INPP4B: variants seen among roughly 807,000 people sequenced by gnomAD.
The protein encoded by INPP4B is inositol polyphosphate 4-phosphatase type II.
INPP4B carries 55 observed loss-of-function variants against 122.5 expected under a neutral mutation model. The ratio of observed to expected loss-of-function variants is 0.45; its 90% CI spans 0.36 to 0.56. INPP4B has a LOEUF of 0.56. Among genes scored for constraint, INPP4B ranks in the 20% least tolerant of loss-of-function variants. The probability of loss-of-function intolerance (pLI) is 0.00; values close to 1 mark genes in which losing one functional copy is unlikely to be tolerated. For synonymous variants in INPP4B, 403 were observed against 388.7 expected, an observed-to-expected ratio of 1.04 and a Z score of -0.43; for missense variants, 1,000 against 1,097.7, an observed-to-expected ratio of 0.91 and a Z score of 1.26.
rs563111955 is a variant in INPP4B, at chr4:142,138,502, G to A, written c.1720+7338C>T. ...GTATACATATGTAACTAACCTCCAC[G>A]TTGTGCACATGTACCCTAAAACTTA... On this transcript the variant is annotated intron_variant, in intron 18 of 25. Coordinates refer to ENST00000262992, the MANE Select transcript of INPP4B (RefSeq NM_001101669.3). Among the ~76,000 whole-genome samples, 1,304 of 151,646 alleles carry A rather than the reference G, an allele frequency of 8.6e-3. 21 individuals carry two copies. Among genetic ancestry groups the A allele is most frequent in the African/African-American group, 0.029 (1,189 of 41,364 alleles).
At chr4:142,420,642 A>G (rs1259418573) in intron 5 of INPP4B, among the ~76,000 whole-genome samples, 2 of 152,140 alleles carry the variant, frequency 1.3e-5, no homozygotes, top group African/African-American at 4.8e-5. Flanking sequence ...ACTTTTAATC[A>G]TAGACCACAA....
At chr4:142,816,842 T>C (rs1780175362) in intron 1 of INPP4B, among the ~76,000 whole-genome samples, 2 of 152,070 alleles carry the variant, frequency 1.3e-5, no homozygotes, top group African/African-American at 4.8e-5. Context: ...ACTCTAGATA[T>C]TGGGAAACAA....
At chr4:142,386,903 G>C (rs1796141578) in intron 7 of INPP4B, among the ~76,000 whole-genome samples, 1 of 152,158 alleles carries the variant, frequency 6.6e-6, no homozygotes, top group Non-Finnish European at 1.5e-5. Flanking sequence ...GAACAAGCAA[G>C]ATACCTTCTG....
intron 2 of INPP4B, among the ~76,000 whole-genome samples, chr4:142,638,997 T>A (rs1416177793): frequency 6.6e-6 from 1 of 152,168 alleles, no homozygotes; most frequent in Non-Finnish European, 1.5e-5. Flanking sequence ...GGTGTTGGAG[T>A]TTAGTCAAAT....
chr4:142,466,829 T>C (rs770586437), intron 2 of INPP4B, among the ~76,000 whole-genome samples: 10 of 152,296 alleles, frequency 6.6e-5, no homozygotes, highest in Non-Finnish European at 1.5e-4. Context: ...GGGATATTGC[T>C]TTCCACATCC....
chr4:142,523,814 C>A (rs933625411), intron 2 of INPP4B, among the ~76,000 whole-genome samples: 50 of 126,418 alleles, frequency 4.0e-4, no homozygotes, highest in African/African-American at 1.4e-3. Flanking sequence ...CCCCTCCCCC[C>A]ACCCCACAAC....
intron 11 of INPP4B, among the ~76,000 whole-genome samples, chr4:142,248,632 GTGTGTGTGTGTGTGTGTGTA>G (rs989180646): frequency 5.4e-4 from 6 of 11,112 alleles, no homozygotes; most frequent in East Asian, 0.016. Context: ...CTCTCTGTAT[GTGTGTGTGTGTGTGTGTGTA>G]TGTGTGTGTG....
In INPP4B at chr4:142,809,849, C is replaced by T. The variant is rs561114504; in HGVS notation, c.-254+36360G>A. On this transcript the variant is annotated intron_variant, in intron 1 of 25. Coordinates refer to ENST00000262992, the MANE Select transcript of INPP4B (RefSeq NM_001101669.3). Reference sequence around the variant, plus strand: ...CCTGTTTAAGAAAAAAAAAAATCCACGGGATATTACATGGCCTTGGTCTTA... The same window carrying T: ...CCTGTTTAAGAAAAAAAAAAATCCATGGGATATTACATGGCCTTGGTCTTA... 2.8e-3 allele frequency among the ~76,000 whole-genome samples: 429 copies of T among 151,928 alleles called. 2 individuals carry two copies. Among genetic ancestry groups the T allele is most frequent in the African/African-American group, 9.5e-3 (393 of 41,454 alleles).
chr4:142,564,456 AAAGAAAGAAAG>A, intron 2 of INPP4B, among the ~76,000 whole-genome samples: 2 of 117,884 alleles, frequency 1.7e-5, no homozygotes, highest in African/African-American at 6.9e-5. Flanking sequence ...AAAAAAAAAG[AAAGAAAGAAAG>A]AAAGAAAGAA....
chr4:142,316,744 A>C (rs1767849166), intron 7 of INPP4B, among the ~76,000 whole-genome samples: 2 of 152,206 alleles, frequency 1.3e-5, no homozygotes, highest in Non-Finnish European at 2.9e-5. Context: ...ATTAATATAA[A>C]AGTATGTGTT....
At chr4:142,164,798 G>C (rs1183909184) in intron 16 of INPP4B, among the ~76,000 whole-genome samples, 1 of 151,202 alleles carries the variant, frequency 6.6e-6, no homozygotes, top group African/African-American at 2.4e-5. Context: ...TATGTTGCCT[G>C]AGACCTTAAG....
At chr4:142,531,960 AATT>A (rs1827666937) in intron 2 of INPP4B, among the ~76,000 whole-genome samples, 1 of 152,144 alleles carries the variant, frequency 6.6e-6, no homozygotes, top group Non-Finnish European at 1.5e-5. Flanking sequence ...TTTATTTTCT[AATT>A]ATTATTAAGA....
intron 2 of INPP4B, among the ~76,000 whole-genome samples, chr4:142,626,496 T>C (rs1746438335): frequency 6.6e-6 from 1 of 151,822 alleles, no homozygotes; most frequent in African/African-American, 2.4e-5. Context: ...AAAGCAGGGG[T>C]CTCAGTTCTA....
intron 16 of INPP4B, among the ~76,000 whole-genome samples, chr4:142,165,752 T>C (rs973367048): frequency 7.2e-5 from 11 of 151,738 alleles, no homozygotes; most frequent in Admixed American, 4.6e-4. Context: ...AGGTGTTAGA[T>C]GACCAAATTA....
At chr4:142,351,198 C>G (rs899218779) in intron 7 of INPP4B, among the ~76,000 whole-genome samples, 3 of 151,946 alleles carry the variant, frequency 2.0e-5, no homozygotes, top group Admixed American at 2.0e-4. Context: ...GGGTCTTGTC[C>G]AAGTTCACCA....
At chr4:142,295,974 C>T (rs1255199934) in intron 9 of INPP4B, among the ~76,000 whole-genome samples, 2 of 152,150 alleles carry the variant, frequency 1.3e-5, no homozygotes, top group Admixed American at 6.5e-5. Flanking sequence ...TAATTCCTTT[C>T]AGGCCTAATC....
intron 2 of INPP4B, among the ~76,000 whole-genome samples, chr4:142,487,296 T>C (rs1338378116): frequency 6.6e-6 from 1 of 152,158 alleles, no homozygotes; most frequent in Non-Finnish European, 1.5e-5. Context: ...GGTATGTGTT[T>C]ATGAGCAGTG....
At chr4:142,248,535 C>T (rs1476564142) in intron 11 of INPP4B, among the ~76,000 whole-genome samples, 1 of 151,904 alleles carries the variant, frequency 6.6e-6, no homozygotes, top group African/African-American at 2.4e-5. Context: ...GACGGGGTTT[C>T]ACCATGTTGG....
intron 7 of INPP4B, among the ~76,000 whole-genome samples, chr4:142,316,595 T>C: frequency 1.3e-5 from 2 of 152,258 alleles, no homozygotes; most frequent in Admixed American, 1.3e-4. Flanking sequence ...CATTAATTTT[T>C]TAAAAAATTG....
Sources: allele counts gnomAD v4.1 joint callset (sites outside exome capture counted in the v4.1 genomes callset), GRCh38; gene constraint gnomAD v4.1.1; transcripts MANE v1.5; gene names NCBI Gene and HGNC (gene_info 2026-07-23, HGNC 2026-07-21).